Variants in ATP13A2 observed in about 807,000 individuals in gnomAD.
ATP13A2 encodes the protein ATPase cation transporting 13A2.
ATP13A2 carries 83 observed loss-of-function variants against 138.3 expected under a neutral mutation model. That is an observed-to-expected ratio of 0.60 (90% CI 0.50 to 0.72). The LOEUF is 0.72. Among genes scored for constraint, ATP13A2 ranks in the 30% least tolerant of loss-of-function variants. The probability of loss-of-function intolerance (pLI) is 0.00; values close to 1 mark genes in which losing one functional copy is unlikely to be tolerated. For missense variants in ATP13A2, 1,402 were observed against 1,606.4 expected (o/e 0.87, Z 2.17); for synonymous variants, 663 against 699.0 (o/e 0.95, Z 0.81).
intron 11 of ATP13A2, among the ~76,000 whole-genome samples, chr1:16,998,918 G>T (rs916038323): frequency 3.1e-4 from 47 of 152,162 alleles, no homozygotes; most frequent in African/African-American, 1.1e-3. Flanking sequence ...GCAGAAAAAG[G>T]CGTGGAAGAC....
At chr1:16,999,380 CAA>C (rs67969184) in intron 11 of ATP13A2, among the ~76,000 whole-genome samples, 1 of 56,164 alleles carries the variant, frequency 1.8e-5, no homozygotes, top group African/African-American at 7.5e-5. Flanking sequence ...AACTCCATCT[CAA>C]AAAAAAAAAA....
chr1:16,989,181 G>A (rs566231883), intron 23 of ATP13A2, among the ~76,000 whole-genome samples: 5 of 152,238 alleles, frequency 3.3e-5, no homozygotes, highest in Non-Finnish European at 7.4e-5. Flanking sequence ...CTCCCAAAGC[G>A]CTGGGATTAC....
Position 16,995,584 on chromosome 1 carries a change from A to C in ATP13A2, c.1542+392T>G. The stretch of plus-strand genomic sequence containing the variant: ...TGCCTCAGCCTCCCGAGTAGCTGGG[A>C]TTACAAGCATGTGCCATCATGCCTG... On this transcript the variant is annotated intron_variant, in intron 15 of 28. Transcript: ENST00000326735. The surrounding 1 kb of genome is among the most constrained non-coding windows in gnomAD (Gnocchi z 4.1). 2 of 343,416 alleles carry C rather than the reference A, an allele frequency of 5.8e-6. No homozygotes were observed. Among genetic ancestry groups the C allele is most frequent in the South Asian group, 4.6e-5 (2 of 43,892 alleles). 21.3% of individuals were successfully genotyped at this position (343,416 alleles called of 1,614,324 possible).
At position 16,996,098 on chromosome 1, in the gene ATP13A2, G is replaced by C. The variant is rs530658980; in HGVS notation, c.1420C>G (p.Pro474Ala). The change falls in exon 15 of 29, where the codon CCT (proline) becomes GCT (alanine). Residue 474 changes from proline to alanine, a missense_variant. Physicochemically the swap from Pro to Ala is conservative, Grantham distance 27. Coordinates refer to ENST00000326735, the MANE Select transcript of ATP13A2 (RefSeq NM_022089.4). Reference sequence around the variant, plus strand: ...AGCGTGCACACAGTCATGGCAGCAGGCAGGGCAGGTGGCACCACCACGGTC... The same window carrying C: ...AGCGTGCACACAGTCATGGCAGCAGCCAGGGCAGGTGGCACCACCACGGTC... ...LVTVVVPPAL[P>A]AAMTVCTLYA... The C allele has an allele frequency of 4.3e-6, 7 of 1,614,074 alleles. No homozygotes were observed. The East Asian group carries it at 1.6e-4, about 36-fold the overall frequency.
In ATP13A2 at chr1:16,992,369, G is replaced by T; in HGVS notation, c.1879C>A (p.Arg627Ser). 1.2e-6 allele frequency: 2 copies of T among 1,613,566 alleles called. No individual in the cohort carries two copies. Reference sequence around the variant, plus strand: ...TGCAGAGCCGAAGAGAAGGGGAAGCGGTGGAGGACGCTGACTGGCACCGGG... The same window carrying T: ...TGCAGAGCCGAAGAGAAGGGGAAGCTGTGGAGGACGCTGACTGGCACCGGG... ...EPPVPVSVLH[R>S]FPFSSALQRM... Residue 627 changes from arginine (R) to serine (S), a missense_variant, in exon 18 of 29, where the codon CGC (arginine) becomes AGC (serine). Coordinates refer to ENST00000326735, the MANE Select transcript of ATP13A2 (RefSeq NM_022089.4).
In ATP13A2 at chr1:16,986,599, G is replaced by C. The variant is rs1400593592; in HGVS notation, c.3269C>G (p.Ser1090Cys). ...PFLVALALLS[S>C]VLVGLVLVPG... The stretch of plus-strand genomic sequence containing the variant: ...GACCAGGACAAGGCCCACCAGGACG[G>C]AGCTCAGGAGCGCCAGGGCCACCAG... Residue 1090 changes from serine to cysteine, a missense_variant, in exon 28 of 29, where the codon TCC (serine) becomes TGC (cysteine). Transcript: ENST00000326735. The surrounding 1 kb of genome is among the most constrained non-coding windows in gnomAD (Gnocchi z 6.9). The C allele has an allele frequency of 6.2e-7, 1 of 1,610,980 alleles. No homozygotes were observed. The highest frequency in any genetic ancestry group is 1.3e-5 in the African/African-American group (1 of 75,006).
intron 23 of ATP13A2, among the ~76,000 whole-genome samples, chr1:16,989,105 A>G (rs1186344643): frequency 1.2e-4 from 15 of 130,284 alleles, no homozygotes; most frequent in East Asian, 7.3e-4. Flanking sequence ...TAGTAGAGAC[A>G]GGGTTTCACC....
chr1:17,000,668 T>C, intron 8 of ATP13A2, 134 bp from the exon 9 acceptor site: 2 of 1,194,326 alleles, frequency 1.7e-6, no homozygotes, highest in South Asian at 1.6e-5. Context: ...TTTCTCCTGG[T>C]CAATCCCATC....
Position 17,011,908 on chromosome 1 carries a change from G to A in ATP13A2, c.-170C>T, listed in dbSNP as rs150122517. The A allele has an allele frequency of 1.3e-3, 607 of 469,726 alleles. 4 individuals carry two copies. Among genetic ancestry groups the A allele is most frequent in the Middle Eastern group, 0.013 (12 of 960 alleles). 29.1% of individuals were successfully genotyped at this position (469,726 alleles called of 1,614,324 possible). A position where few individuals can be genotyped will look rare whatever the true frequency, so the allele number is the denominator to read the frequency against. On this transcript the variant is annotated 5_prime_UTR_variant, in exon 1 of 29. Coordinates refer to ENST00000326735, the MANE Select transcript of ATP13A2 (RefSeq NM_022089.4). The surrounding 1 kb of genome is among the most constrained non-coding windows in gnomAD (Gnocchi z 7.3). ...GCGGGCGGGGCACCTGGGCCACCAG[G>A]CTCGGCGCGGCTCCGACACTGCCGC...
At position 16,989,953 on chromosome 1, in the gene ATP13A2, C is replaced by T; in HGVS notation, c.2463G>A (p.Arg821=). 1 of 1,605,516 alleles carries T rather than the reference C, an allele frequency of 6.2e-7. No individual in the cohort carries two copies. Among genetic ancestry groups the T allele is most frequent in the Non-Finnish European group, 8.5e-7 (1 of 1,175,962 alleles). ...SYTVEPDPRS[R]HLALSGPTFG... ...AGGTGGGCCCGCTGAGGGCCAGGTG[C>T]CTGGATCGGGGGTCTGGCTCCACGG... The change falls in exon 22 of 29, where the codon AGG becomes AGA. Residue 821 remains arginine (R), a synonymous_variant. Coordinates refer to ENST00000326735, the MANE Select transcript of ATP13A2 (RefSeq NM_022089.4).
rs2076974637 is a variant in ATP13A2 at position 16,992,572 on chromosome 1, C to T, written c.1759G>A (p.Glu587Lys). ...AATGCTGAGTCTGCAGCCGGCTCTT[C>T]CTCCAGGACCTGGCAGGCAGGCAGG... ...MVESTGWVLEEEPAADSAFGT... is the reference protein window; with the variant it reads ...MVESTGWVLEKEPAADSAFGT... The change falls in exon 17 of 29, where the codon GAA (glutamate) becomes AAA (lysine). Residue 587 changes from glutamate (E) to lysine (K), a missense_variant. Glu to Lys is a moderately conservative substitution (Grantham distance 56). Transcript: ENST00000326735. The T allele has an allele frequency of 1.9e-6, 3 of 1,614,224 alleles. No individual in the cohort carries two copies. The highest frequency in any genetic ancestry group is 1.1e-5 in the South Asian group (1 of 91,092).
chr1:17,005,148 C>T, intron 3 of ATP13A2, 76 bp from the exon 4 acceptor site: 1 of 1,593,086 alleles, frequency 6.3e-7, no homozygotes, highest in Non-Finnish European at 8.6e-7. Flanking sequence ...GCCAGGCGGC[C>T]CCTGCTGGAG....
At chr1:17,009,273 GT>G (rs1445228592) in intron 1 of ATP13A2, among the ~76,000 whole-genome samples, 1 of 152,086 alleles carries the variant, frequency 6.6e-6, no homozygotes, top group East Asian at 1.9e-4. Flanking sequence ...GTGCTCAGGG[GT>G]CAGGAAACAC....
intron 23 of ATP13A2, 46 bp downstream of exon 23, chr1:16,989,645 C>T: frequency 2.5e-6 from 4 of 1,591,082 alleles, no homozygotes; most frequent in Non-Finnish European, 3.5e-6. Flanking sequence ...AACGGACAAG[C>T]TCAGTCTCCG....
At chr1:17,009,460 G>C (rs966073438) in intron 1 of ATP13A2, among the ~76,000 whole-genome samples, 1 of 143,486 alleles carries the variant, frequency 7.0e-6, no homozygotes, top group Admixed American at 7.3e-5. Context: ...ACAGTGGCAT[G>C]ATCCTAGCTC....
rs1380068396 is a variant in ATP13A2 at position 17,004,082 on chromosome 1, C to T, written c.557+250G>A. Reference sequence around the variant, plus strand: ...TGGTGTCACAACCTCAGATCACATTCGGTGCCAAGCTCTACATAAATTATT... The same window carrying T: ...TGGTGTCACAACCTCAGATCACATTTGGTGCCAAGCTCTACATAAATTATT... On this transcript the variant is annotated intron_variant, in intron 6 of 28. Transcript: ENST00000326735. The surrounding 1 kb of genome is among the most constrained non-coding windows in gnomAD (Gnocchi z 4.1). 1.3e-5 allele frequency among the ~76,000 whole-genome samples: 2 copies of T among 152,226 alleles called. No homozygotes were observed. The highest frequency in any genetic ancestry group is 2.9e-5 in the Non-Finnish European group (2 of 68,036).
At position 16,990,327 on chromosome 1, in the gene ATP13A2, G is replaced by A. The variant is rs199921859; in HGVS notation, c.2252-40C>T. On this transcript the variant is annotated intron_variant, in intron 20 of 28. Transcript: ENST00000326735. ...GCAAGGTGAGGGTCTGAGGCTATCC[G>A]GGGAGGCCATCCTCATCCTGATCCT... is the stretch of plus-strand genomic sequence containing the variant. 17 of 1,611,884 alleles carry A rather than the reference G, an allele frequency of 1.1e-5. No homozygotes were observed. In the East Asian group the frequency reaches 1.8e-4, roughly 17 times the overall value.
chr1:17,011,928 T>G lies in ATP13A2; in HGVS notation c.-190A>C, dbSNP rs867561355. Reference sequence around the variant, plus strand: ...ACCAGGCTCGGCGCGGCTCCGACACTGCCGCAGTCCCTCCGTGCGCGCCGC... The same window carrying G: ...ACCAGGCTCGGCGCGGCTCCGACACGGCCGCAGTCCCTCCGTGCGCGCCGC... On this transcript the variant is annotated 5_prime_UTR_variant, in exon 1 of 29. Transcript: ENST00000326735. The surrounding 1 kb of genome is among the most constrained non-coding windows in gnomAD (Gnocchi z 7.3). 9.1e-5 allele frequency: 30 copies of G among 328,982 alleles called. No individual in the cohort carries two copies. Among genetic ancestry groups the G allele is most frequent in the Middle Eastern group, 1.5e-3 (1 of 672 alleles). 20.4% of individuals were successfully genotyped at this position (328,982 alleles called of 1,614,324 possible).
In ATP13A2 at chr1:17,000,018, A is replaced by G. The variant is rs766912330; in HGVS notation, c.1032T>C (p.Ser344=). 6.2e-7 allele frequency: 1 copy of G among 1,608,056 alleles called. No homozygotes were observed. Among genetic ancestry groups the G allele is most frequent in the South Asian group, 1.1e-5 (1 of 90,376 alleles). ...CAGGGGCTGGGGGCTCACCTGTCAGAGAGCTCTCATTCACCATGCACTCGC... is the reference window on the plus strand; with the variant it reads ...CAGGGGCTGGGGGCTCACCTGTCAGGGAGCTCTCATTCACCATGCACTCGC... The part of the protein sequence containing the change: ...VAGECMVNES[S]LTGESIPVLK... The change falls in exon 11 of 29, where the codon TCT becomes TCC. Residue 344 remains serine, a synonymous_variant. Coordinates refer to ENST00000326735, the MANE Select transcript of ATP13A2 (RefSeq NM_022089.4).
Sources: allele counts gnomAD v4.1 joint callset (sites outside exome capture counted in the v4.1 genomes callset), GRCh38; gene constraint gnomAD v4.1.1; non-coding constraint Gnocchi (gnomAD v3.1); transcripts MANE v1.5; gene names NCBI Gene and HGNC (gene_info 2026-07-23, HGNC 2026-07-21).